GGNBP2: variants seen among roughly 807,000 people sequenced by gnomAD.
The protein encoded by GGNBP2 is gametogenetin binding protein 2, also known as gametogenetin-binding protein 2.
GGNBP2 carries 10 observed loss-of-function variants against 85.9 expected under a neutral mutation model. That is an observed-to-expected ratio of 0.12 (90% CI 0.07 to 0.20). The LOEUF (loss-of-function observed/expected upper bound fraction) is 0.20. Ranked by LOEUF, GGNBP2 falls within the 10% of genes least tolerant of loss-of-function variation. The pLI, the probability that GGNBP2 is intolerant of heterozygous loss-of-function variation, is 1.00. For missense variants in GGNBP2, 595 were observed against 857.8 expected (o/e 0.69, Z 3.83); for synonymous variants, 287 against 285.7 (o/e 1.00, Z -0.05).
At chr17:36,580,545 C>T (rs1190114254) in intron 8 of GGNBP2, among the ~76,000 whole-genome samples, 1 of 151,808 alleles carries the variant, frequency 6.6e-6, no homozygotes, top group Admixed American at 6.6e-5. Context: ...TTTGTACCTT[C>T]AGAGACTAGA....
At chr17:36,560,892 A>G (rs753753505) in intron 5 of GGNBP2, 21 bp downstream of exon 5, 14 of 1,207,696 alleles carry the variant, frequency 1.2e-5, no homozygotes. Flanking sequence ...TTGAATACCA[A>G]GAGGCTTTGT....
intron 13 of GGNBP2, among the ~76,000 whole-genome samples, chr17:36,588,476 G>C (rs1385927723): frequency 6.6e-6 from 1 of 152,122 alleles, no homozygotes; most frequent in Non-Finnish European, 1.5e-5. Context: ...GGCTGGTCTC[G>C]AACTCCCAAC....
At chr17:36,579,550 TG>T (rs2074624823) in intron 8 of GGNBP2, 131 bp downstream of exon 8, 2 of 756,264 alleles carry the variant, frequency 2.6e-6, no homozygotes, top group Non-Finnish European at 4.3e-6. Context: ...GGCTGGATAT[TG>T]TTACATGGCT....
At chr17:36,579,533 T>C (rs2074624733) in intron 8 of GGNBP2, 114 bp downstream of exon 8, 1 of 840,806 alleles carries the variant, frequency 1.2e-6, no homozygotes, top group Non-Finnish European at 1.9e-6. Flanking sequence ...TAGAGCTTCA[T>C]GGATTTGGCT....
At chr17:36,568,811 G>A (rs929400009) in intron 6 of GGNBP2, among the ~76,000 whole-genome samples, 6 of 151,014 alleles carry the variant, frequency 4.0e-5, no homozygotes, top group African/African-American at 2.4e-5. Context: ...GCTGGAATGC[G>A]CTGGCTCGAT....
Position 36,579,319 on chromosome 17 carries a change from A to T in GGNBP2, c.920A>T (p.Tyr307Phe). 2 of 1,614,208 alleles carry T rather than the reference A, an allele frequency of 1.2e-6. No homozygotes were observed. The highest frequency in any genetic ancestry group is 1.7e-6 in the Non-Finnish European group (2 of 1,180,002). The change falls in exon 8 of 14, where the codon TAT (tyrosine) becomes TTT (phenylalanine). Residue 307 changes from tyrosine to phenylalanine, a missense_variant. Coordinates refer to ENST00000613102, the MANE Select transcript of GGNBP2 (RefSeq NM_024835.5). ...EVLTCLGIHL[Y>F]ERLHRIWQKL... ...CTGACCTGCTTGGGAATTCATCTTTATGAAAGACTGCATCGAATCTGGCAG... is the reference window on the plus strand; with the variant it reads ...CTGACCTGCTTGGGAATTCATCTTTTTGAAAGACTGCATCGAATCTGGCAG...
intron 5 of GGNBP2, among the ~76,000 whole-genome samples, chr17:36,566,172 C>T (rs2074466843): frequency 6.6e-6 from 1 of 152,148 alleles, no homozygotes; most frequent in Non-Finnish European, 1.5e-5. Context: ...TGCAGAAGAA[C>T]AGACAGGAGC....
chr17:36,587,029 A>G lies in GGNBP2; in HGVS notation c.1674A>G (p.Pro558=). 1 of 1,613,542 alleles carries G rather than the reference A, an allele frequency of 6.2e-7. No homozygotes were observed. The highest frequency in any genetic ancestry group is 8.5e-7 in the Non-Finnish European group (1 of 1,179,792). The change falls in exon 13 of 14, where the codon CCA becomes CCG. Residue 558 remains proline, a synonymous_variant. Coordinates refer to ENST00000613102, the MANE Select transcript of GGNBP2 (RefSeq NM_024835.5). ...IQKLGSCITD[P]GNRETSGNTM... ...AGCTTGGAAGCTGTATTACAGATCC[A>G]GGTAATCGAGAGACCTCAGGAAATA...
In GGNBP2 at chr17:36,582,510, C is replaced by T. The variant is rs951854100; in HGVS notation, c.1215+972C>T. The T allele has an allele frequency of 4.6e-5, 7 of 152,236 alleles. No homozygotes were observed. The East Asian group carries it at 1.2e-3, about 25-fold the overall frequency. The allele number at this position is 152,236 out of a possible 1,614,324, so 9.4% of individuals were successfully genotyped here. A position where few individuals can be genotyped will look rare whatever the true frequency, so the allele number is the denominator to read the frequency against. ...TTTTCCCCCCCAAATATTTTCGATT[C>T]TTGGTTGAATTTATGGATGCAGCAC... On this transcript the variant is annotated intron_variant, in intron 9 of 13. Coordinates refer to ENST00000613102, the MANE Select transcript of GGNBP2 (RefSeq NM_024835.5).
intron 6 of GGNBP2, among the ~76,000 whole-genome samples, chr17:36,572,087 T>C (rs1357511575): frequency 6.6e-6 from 1 of 152,034 alleles, no homozygotes; most frequent in Non-Finnish European, 1.5e-5. Flanking sequence ...TATGCAATGC[T>C]GCTTTTGCAA....
chr17:36,562,428 C>CA (rs1371498122), intron 5 of GGNBP2, among the ~76,000 whole-genome samples: 1 of 151,896 alleles, frequency 6.6e-6, no homozygotes, highest in African/African-American at 2.4e-5. Flanking sequence ...CTTGGTCTCC[C>CA]AAAGTGCTGG....
chr17:36,546,835 A>G (rs1389148264), intron 2 of GGNBP2: 3 of 152,100 alleles, frequency 2.0e-5, no homozygotes, highest in Non-Finnish European at 2.9e-5. Context: ...TTGTTCCTCA[A>G]TATTTTTTTT....
chr17:36,563,734 T>TC (rs1396466049), intron 5 of GGNBP2, among the ~76,000 whole-genome samples: 1 of 151,728 alleles, frequency 6.6e-6, no homozygotes, highest in Non-Finnish European at 1.5e-5. Context: ...CTTTTTTTTT[T>TC]CTTTCTTTCA....
At chr17:36,573,440 A>G (rs1182306783) in intron 6 of GGNBP2, among the ~76,000 whole-genome samples, 3 of 152,148 alleles carry the variant, frequency 2.0e-5, no homozygotes, top group Non-Finnish European at 2.9e-5. Context: ...ATGGACATTG[A>G]AGGTTGCTCT....
chr17:36,575,648 A>ATATATATATATATATATTT (rs374366757), intron 6 of GGNBP2, among the ~76,000 whole-genome samples: 1 of 54,910 alleles, frequency 1.8e-5, no homozygotes, highest in African/African-American at 1.1e-4. Flanking sequence ...ATATATATAT[A>ATATATATATATATATATTT]TTTTTTTTTT....
At chr17:36,570,065 C>T (rs1555606520) in intron 6 of GGNBP2, among the ~76,000 whole-genome samples, 1 of 152,090 alleles carries the variant, frequency 6.6e-6, no homozygotes, top group African/African-American at 2.4e-5. Context: ...CTTTCTGTGC[C>T]TCAATTTTTG....
chr17:36,580,125 C>T (rs1396900215), intron 8 of GGNBP2, among the ~76,000 whole-genome samples: 1 of 152,138 alleles, frequency 6.6e-6, no homozygotes, highest in Non-Finnish European at 1.5e-5. Context: ...TTTCATTTTG[C>T]CTGCTAATGT....
At position 36,545,639 on chromosome 17, in the gene GGNBP2, GCAGCGGCGGCGGCAGAAA is replaced by G; in HGVS notation, c.-81_-64del. 2 of 1,037,186 alleles carry G rather than the reference GCAGCGGCGGCGGCAGAAA, an allele frequency of 1.9e-6. No individual in the cohort carries two copies. Among genetic ancestry groups the G allele is most frequent in the South Asian group, 1.4e-5 (1 of 72,458 alleles). 64.2% of individuals were successfully genotyped at this position (1,037,186 alleles called of 1,614,324 possible). A position where few individuals can be genotyped will look rare whatever the true frequency, so the allele number is the denominator to read the frequency against. ...TGCAGGCAGGAGCTGGGAGGAGGCG[GCAGCGGCGGCGGCAGAAA>G]CAGCAGCGGCGGCGGCGGCGGCAGC... On this transcript the variant is annotated 5_prime_UTR_variant, in exon 2 of 14. Coordinates refer to ENST00000613102, the MANE Select transcript of GGNBP2 (RefSeq NM_024835.5).
chr17:36,577,651 G>A (rs2074605192), intron 6 of GGNBP2: 4 of 335,832 alleles, frequency 1.2e-5, no homozygotes, highest in Non-Finnish European at 5.7e-6. Flanking sequence ...TCTGACCTGC[G>A]CAAATAGCTT....
Sources: gnomAD v4.1 joint callset for allele counts (sites outside exome capture counted in the v4.1 genomes callset) on GRCh38, gnomAD v4.1.1 for gene constraint, MANE v1.5 for transcripts, NCBI Gene and HGNC (gene_info 2026-07-23, HGNC 2026-07-21) for gene names.